COL25A1: variants seen among roughly 807,000 people sequenced by gnomAD.
COL25A1 encodes collagen type XXV alpha 1 chain, also known as collagen alpha-1(XXV) chain.
Under a neutral mutation model 128.4 loss-of-function variants are expected in COL25A1, and 103 were observed. That is an observed-to-expected ratio of 0.80 (90% CI 0.68 to 0.94). The LOEUF is 0.94. Among genes scored for constraint, COL25A1 ranks in the 40% least tolerant of loss-of-function variants. COL25A1 has a pLI of 0.00. For synonymous variants in COL25A1, 279 were observed against 277.2 expected, an observed-to-expected ratio of 1.01 and a Z score of -0.06; for missense variants, 745 against 840.0, an observed-to-expected ratio of 0.89 and a Z score of 1.40.
At chr4:109,069,822 C>T (rs941795278) in intron 3 of COL25A1, among the ~76,000 whole-genome samples, 2 of 152,148 alleles carry the variant, frequency 1.3e-5, no homozygotes, top group African/African-American at 4.8e-5. Flanking sequence ...GGCTTCTAAA[C>T]ATTTGAAAAC....
At chr4:108,887,158 A>T (rs1289906800) in intron 18 of COL25A1, among the ~76,000 whole-genome samples, 1 of 152,130 alleles carries the variant, frequency 6.6e-6, no homozygotes, top group Non-Finnish European at 1.5e-5. Context: ...CTACATTATG[A>T]ATATAACTCT....
intron 3 of COL25A1, among the ~76,000 whole-genome samples, chr4:109,183,073 A>G (rs142690942): frequency 1.0e-3 from 158 of 152,280 alleles, no homozygotes; most frequent in African/African-American, 3.4e-3. Flanking sequence ...TACTTTAGTT[A>G]CATGCAACCC....
intron 11 of COL25A1, among the ~76,000 whole-genome samples, chr4:108,933,896 T>C (rs1358735081): frequency 6.6e-6 from 1 of 151,350 alleles, no homozygotes; most frequent in Admixed American, 6.6e-5. Flanking sequence ...AAAGAAAATT[T>C]CTAAGTTTCT....
At chr4:109,010,233 C>A (rs1389505077) in intron 6 of COL25A1, 125 bp downstream of exon 6, 5 of 748,972 alleles carry the variant, frequency 6.7e-6, no homozygotes, top group Non-Finnish European at 1.1e-5. Context: ...AATATTTGGT[C>A]TACTGTGTGG....
At chr4:108,885,662 C>T (rs1175801525) in intron 18 of COL25A1, among the ~76,000 whole-genome samples, 3 of 152,082 alleles carry the variant, frequency 2.0e-5, no homozygotes, top group Admixed American at 1.3e-4. Context: ...AGAGCTTGTA[C>T]ATATTTTTTG....
chr4:109,088,141 G>C (rs1476175910), intron 3 of COL25A1, among the ~76,000 whole-genome samples: 1 of 151,820 alleles, frequency 6.6e-6, no homozygotes, highest in Admixed American at 6.6e-5. Context: ...CTTATTGACA[G>C]ATGCTTTTTA....
At chr4:109,288,492 C>G (rs1263698623) in intron 3 of COL25A1, among the ~76,000 whole-genome samples, 1 of 151,976 alleles carries the variant, frequency 6.6e-6, no homozygotes, top group African/African-American at 2.4e-5. Context: ...TCTTACTTTT[C>G]TGGTTTTTTT....
At chr4:108,974,441 T>G (rs890389265) in intron 7 of COL25A1, 48 bp from the exon 8 acceptor site, 24 of 1,610,426 alleles carry the variant, frequency 1.5e-5, no homozygotes, top group Non-Finnish European at 2.0e-5. Context: ...AATTTATACA[T>G]GATGTTCATT....
At chr4:109,281,456 T>C (rs759715787) in intron 3 of COL25A1, among the ~76,000 whole-genome samples, 1 of 152,114 alleles carries the variant, frequency 6.6e-6, no homozygotes, top group African/African-American at 2.4e-5. Flanking sequence ...AAGATTTTTT[T>C]TGAGTGGGAG....
chr4:109,033,054 G>A (rs146062903), intron 5 of COL25A1, among the ~76,000 whole-genome samples: 2 of 152,368 alleles, frequency 1.3e-5, no homozygotes, highest in East Asian at 1.9e-4. Flanking sequence ...TGGAAAGCCA[G>A]TATGAACCTT....
intron 26 of COL25A1, among the ~76,000 whole-genome samples, chr4:108,849,199 G>A (rs1273209261): frequency 6.6e-6 from 1 of 151,942 alleles, no homozygotes; most frequent in Non-Finnish European, 1.5e-5. Context: ...TCCAATTTCA[G>A]TAAAAAGGAA....
chr4:109,256,920 T>C (rs1781123153), intron 3 of COL25A1, among the ~76,000 whole-genome samples: 1 of 152,220 alleles, frequency 6.6e-6, no homozygotes, highest in African/African-American at 2.4e-5. Context: ...GGGTCACTTC[T>C]AATCCCCTAA....
Position 108,813,894 on chromosome 4 carries a change from A to G in COL25A1, c.*33T>C, listed in dbSNP as rs750240732. On this transcript the variant is annotated 3_prime_UTR_variant, in exon 38 of 38. Transcript: ENST00000399132. The stretch of plus-strand genomic sequence containing the variant: ...ATAAATATTAAAAATGGACCCTTAT[A>G]TACACAACTTCATGCTTGAAAGGTT... 8.6e-5 allele frequency: 134 copies of G among 1,559,690 alleles called. 1 individual carries two copies. Among genetic ancestry groups the G allele is most frequent in the Non-Finnish European group, 1.2e-4 (134 of 1,135,680 alleles).
At chr4:109,255,099 G>T (rs780450144) in intron 3 of COL25A1, among the ~76,000 whole-genome samples, 2 of 152,144 alleles carry the variant, frequency 1.3e-5, no homozygotes, top group Non-Finnish European at 1.5e-5. Flanking sequence ...TAAGTATTCC[G>T]TTTGGGTGGG....
chr4:109,153,313 A>C lies in COL25A1; in HGVS notation c.368-103134T>G, dbSNP rs189277787. Among the ~76,000 whole-genome samples the C allele has an allele frequency of 7.3e-5, 11 of 150,334 alleles. 1 individual carries two copies. The East Asian group carries it at 2.2e-3, about 31-fold the overall frequency. On this transcript the variant is annotated intron_variant, in intron 3 of 37. Coordinates refer to ENST00000399132, the MANE Select transcript of COL25A1 (RefSeq NM_198721.4). Reference sequence around the variant, plus strand: ...GGCAGGAGAATCAAACCCGGGAGGCAGAGGTTGTGGTGAGCCAAGACCGCA... The same window carrying C: ...GGCAGGAGAATCAAACCCGGGAGGCCGAGGTTGTGGTGAGCCAAGACCGCA...
At chr4:108,849,947 G>A (rs975762505) in intron 26 of COL25A1, among the ~76,000 whole-genome samples, 8 of 152,108 alleles carry the variant, frequency 5.3e-5, no homozygotes, top group Admixed American at 1.3e-4. Context: ...GAAAAGCGGC[G>A]GGGGAAGGGC....
chr4:108,897,872 G>A (rs1410490360), intron 15 of COL25A1, among the ~76,000 whole-genome samples: 1 of 152,136 alleles, frequency 6.6e-6, no homozygotes, highest in Non-Finnish European at 1.5e-5. Flanking sequence ...CTGGGCATTT[G>A]TTTATGGTGA....
At chr4:109,032,213 C>G (rs879124177) in intron 5 of COL25A1, among the ~76,000 whole-genome samples, 1 of 152,132 alleles carries the variant, frequency 6.6e-6, no homozygotes, top group Non-Finnish European at 1.5e-5. Context: ...ACATTTGCGT[C>G]TGCCAGATTC....
intron 8 of COL25A1, among the ~76,000 whole-genome samples, chr4:108,970,817 C>T (rs1257397989): frequency 6.6e-6 from 1 of 152,138 alleles, no homozygotes; most frequent in Non-Finnish European, 1.5e-5. Context: ...TCTTTCTGTA[C>T]CTGCCTTATT....
Sources: gnomAD v4.1 joint callset for allele counts (sites outside exome capture counted in the v4.1 genomes callset) on GRCh38, gnomAD v4.1.1 for gene constraint, MANE v1.5 for transcripts, NCBI Gene and HGNC (gene_info 2026-07-23, HGNC 2026-07-21) for gene names.